The following SGIP1 variants were observed in gnomAD, a reference collection of about 807,000 sequenced individuals.
SGIP1 encodes the protein SH3GL interacting endocytic adaptor 1.
In SGIP1, 38 loss-of-function variants were observed where a neutral mutation model predicts 107.5. That is an observed-to-expected ratio of 0.35 (90% CI 0.27 to 0.46). The LOEUF is 0.46. Among genes scored for constraint, SGIP1 ranks in the 20% least tolerant of loss-of-function variants. SGIP1 has a pLI of 1.00. For missense variants in SGIP1, 929 were observed against 1,019.5 expected, an observed-to-expected ratio of 0.91 and a Z score of 1.21; for synonymous variants, 365 against 366.1, an observed-to-expected ratio of 1.00 and a Z score of 0.03.
chr1:66,706,937 T>C (rs1162534558), intron 18 of SGIP1, among the ~76,000 whole-genome samples: 1 of 152,188 alleles, frequency 6.6e-6, no homozygotes, highest in Non-Finnish European at 1.5e-5. Flanking sequence ...AATTTAAGCA[T>C]ATTATTACTT....
At chr1:66,549,154 C>A (rs373545905) in intron 1 of SGIP1, among the ~76,000 whole-genome samples, 1 of 138,768 alleles carries the variant, frequency 7.2e-6, no homozygotes, top group Non-Finnish European at 1.5e-5. Flanking sequence ...TTCCTTCCTT[C>A]CTTCCTTCCT....
At chr1:66,711,685 T>C (rs1052262820) in intron 18 of SGIP1, among the ~76,000 whole-genome samples, 9 of 152,178 alleles carry the variant, frequency 5.9e-5, no homozygotes, top group African/African-American at 1.9e-4. Context: ...ATTTGCCTCC[T>C]GCCTGCAGCA....
intron 15 of SGIP1, among the ~76,000 whole-genome samples, chr1:66,685,142 C>G (rs1484058608): frequency 6.6e-6 from 1 of 152,200 alleles, no homozygotes; most frequent in Admixed American, 6.5e-5. Flanking sequence ...TTCTCACTAC[C>G]TGCTTTTCAT....
intron 19 of SGIP1, 37 bp downstream of exon 19, chr1:66,719,442 T>G: frequency 3.9e-6 from 6 of 1,549,456 alleles, no homozygotes; most frequent in African/African-American, 1.4e-5. Flanking sequence ...CTTTCTGAGT[T>G]CTGTCCTATT....
At chr1:66,683,983 CT>C in intron 15 of SGIP1, 1 of 1,412,738 alleles carries the variant, frequency 7.1e-7, no homozygotes, top group Non-Finnish European at 9.4e-7. Flanking sequence ...TCCCAAAGTG[CT>C]GGGATTATAG....
At chr1:66,693,684 A>C (rs1348916039) in intron 17 of SGIP1, among the ~76,000 whole-genome samples, 2 of 152,202 alleles carry the variant, frequency 1.3e-5, no homozygotes, top group African/African-American at 4.8e-5. Context: ...CAAAAATCCC[A>C]ATTACTTGCA....
chr1:66,639,899 C>T (rs1401061597), intron 5 of SGIP1, 66 bp downstream of exon 5: 1 of 1,319,564 alleles, frequency 7.6e-7, no homozygotes, highest in African/African-American at 1.5e-5. Context: ...TTGAGGCATT[C>T]TTATAATAGG....
intron 7 of SGIP1, among the ~76,000 whole-genome samples, chr1:66,651,573 T>C (rs887537254): frequency 3.3e-4 from 50 of 152,170 alleles, no homozygotes; most frequent in African/African-American, 1.1e-3. Flanking sequence ...CTTTGAAGGA[T>C]ATCGATGGAT....
chr1:66,571,371 A>G (rs1297973114), intron 1 of SGIP1, among the ~76,000 whole-genome samples: 1 of 151,980 alleles, frequency 6.6e-6, no homozygotes, highest in Non-Finnish European at 1.5e-5. Context: ...ATTTGAGCAA[A>G]CATACTATTA....
chr1:66,633,765 CA>C (rs1246241235), intron 3 of SGIP1, among the ~76,000 whole-genome samples: 1 of 151,470 alleles, frequency 6.6e-6, no homozygotes, highest in African/African-American at 2.4e-5. Flanking sequence ...AAATCTAAAT[CA>C]GATGCCTATT....
rs541724704 is a variant in SGIP1 at position 66,592,602 on chromosome 1, T to A, written c.11-33245T>A. ...ATAAACCTACATAGACACATCATTCTCCTTCAAAGTTCATAGTTTACATTA... is the reference window on the plus strand; with the variant it reads ...ATAAACCTACATAGACACATCATTCACCTTCAAAGTTCATAGTTTACATTA... On this transcript the variant is annotated intron_variant, in intron 1 of 24. Coordinates refer to ENST00000371037, the MANE Select transcript of SGIP1 (RefSeq NM_032291.4). Among the ~76,000 whole-genome samples the A allele has an allele frequency of 2.6e-5, 4 of 152,344 alleles. No homozygotes were observed. The South Asian group carries it at 8.3e-4, about 32-fold the overall frequency.
At chr1:66,727,687 C>A (rs1404134745) in intron 19 of SGIP1, among the ~76,000 whole-genome samples, 1 of 152,182 alleles carries the variant, frequency 6.6e-6, no homozygotes, top group African/African-American at 2.4e-5. Context: ...ATACACTACA[C>A]AGCCACAAAA....
intron 1 of SGIP1, among the ~76,000 whole-genome samples, chr1:66,591,435 TC>T (rs2063602011): frequency 6.6e-6 from 1 of 152,234 alleles, no homozygotes; most frequent in South Asian, 2.1e-4. Flanking sequence ...CTGTATTTTT[TC>T]TTTTTAATAG....
chr1:66,660,584 T>C lies in SGIP1; in HGVS notation c.471+60T>C, dbSNP rs111982274. ...CATTATTTATTCTGTTTATTTTCAT[T>C]ATCTGCATATCTAATGACTGACTGT... On this transcript the variant is annotated intron_variant, in intron 8 of 24. Transcript: ENST00000371037. The C allele has an allele frequency of 1.4e-4, 204 of 1,419,726 alleles. No homozygotes were observed. In the Middle Eastern group the frequency reaches 3.0e-3, roughly 21 times the overall value. 87.9% of individuals were successfully genotyped at this position (1,419,726 alleles called of 1,614,324 possible). A position where few individuals can be genotyped will look rare whatever the true frequency, so the allele number is the denominator to read the frequency against.
intron 1 of SGIP1, among the ~76,000 whole-genome samples, chr1:66,623,666 C>CAA (rs2071803687): frequency 6.6e-6 from 1 of 152,206 alleles, no homozygotes; most frequent in African/African-American, 2.4e-5. Flanking sequence ...GTGTTAAAAA[C>CAA]ATCATTTCCA....
chr1:66,562,894 T>C (rs2059154725), intron 1 of SGIP1, among the ~76,000 whole-genome samples: 1 of 152,044 alleles, frequency 6.6e-6, no homozygotes, highest in South Asian at 2.1e-4. Context: ...AATAATGGCC[T>C]GTGATTTTTA....
chr1:66,589,176 AT>A (rs1557989418), intron 1 of SGIP1, among the ~76,000 whole-genome samples: 5 of 19,964 alleles, frequency 2.5e-4, no homozygotes. Flanking sequence ...ATATATATAT[AT>A]ATATATATAT....
intron 1 of SGIP1, among the ~76,000 whole-genome samples, chr1:66,571,840 A>G (rs911352102): frequency 2.0e-5 from 3 of 152,008 alleles, no homozygotes; most frequent in African/African-American, 7.2e-5. Context: ...AGTCTTTGTG[A>G]ATCCCATTCC....
intron 17 of SGIP1, among the ~76,000 whole-genome samples, chr1:66,690,850 T>C (rs1270453358): frequency 3.3e-5 from 5 of 152,168 alleles, no homozygotes; most frequent in Non-Finnish European, 7.3e-5. Context: ...TGATGTGTGG[T>C]CAGTTTTCCC....
Sources: allele counts gnomAD v4.1 joint callset (sites outside exome capture counted in the v4.1 genomes callset), GRCh38; gene constraint gnomAD v4.1.1; transcripts MANE v1.5; gene names NCBI Gene and HGNC (gene_info 2026-07-23, HGNC 2026-07-21).